The following GADL1 variants were observed in gnomAD, a reference collection of about 807,000 sequenced individuals.
GADL1 encodes GAD like acidic amino acid decarboxylase 1, also known as acidic amino acid decarboxylase GADL1.
A neutral mutation model predicts 69.5 loss-of-function variants in GADL1; 71 were observed. The ratio of observed to expected loss-of-function variants is 1.02; its 90% CI spans 0.84 to 1.25. GADL1 has a LOEUF of 1.25. GADL1 is among the 50% of genes most tolerant of loss of function. The probability of loss-of-function intolerance (pLI) is 0.00; values close to 1 mark genes in which losing one functional copy is unlikely to be tolerated. For synonymous variants in GADL1, 254 were observed against 214.4 expected, an observed-to-expected ratio of 1.18 and a Z score of -1.62; for missense variants, 737 against 631.8, an observed-to-expected ratio of 1.17 and a Z score of -1.79.
chr3:30,771,947 G>A (rs183267551), intron 14 of GADL1, among the ~76,000 whole-genome samples: 47 of 152,222 alleles, frequency 3.1e-4, no homozygotes, highest in Admixed American at 2.8e-3. Context: ...AAATAAATGG[G>A]GCAAGGAAAG....
intron 14 of GADL1, among the ~76,000 whole-genome samples, chr3:30,762,600 A>AT (rs1696165025): frequency 6.6e-6 from 1 of 152,282 alleles, no homozygotes; most frequent in Admixed American, 6.5e-5. Context: ...TCCCTCAAGC[A>AT]TTTATCTATT....
chr3:30,851,401 C>T (rs2125532389), intron 4 of GADL1, among the ~76,000 whole-genome samples: 1 of 152,262 alleles, frequency 6.6e-6, no homozygotes, highest in East Asian at 1.9e-4. Flanking sequence ...GACTACTCCA[C>T]CTGAACCAGG....
intron 12 of GADL1, chr3:30,797,927 G>T (rs979673960): frequency 1.3e-5 from 2 of 152,096 alleles, no homozygotes; most frequent in Non-Finnish European, 2.9e-5. Flanking sequence ...ACTAAATTTG[G>T]CTATGGCCTG....
At chr3:30,794,649 G>C (rs147587509) in intron 12 of GADL1, among the ~76,000 whole-genome samples, 358 of 152,222 alleles carry the variant, frequency 2.4e-3, no homozygotes, top group African/African-American at 8.3e-3. Flanking sequence ...CAATTGGGTT[G>C]ACAGGGTCAA....
At chr3:30,816,834 C>T (rs1384986742) in intron 11 of GADL1, among the ~76,000 whole-genome samples, 1 of 152,042 alleles carries the variant, frequency 6.6e-6, no homozygotes, top group Admixed American at 6.6e-5. Context: ...GCATGAGCTA[C>T]CACACCTGGC....
rs149567861 is a variant in GADL1, at chr3:30,828,151, G to A, written c.1050+5702C>T. Reference sequence around the variant, plus strand: ...AGAAATCCCCACAAAAGCAGATTCAGTTTGTTCTAGTTTCTCTGATTTAAA... The same window carrying A: ...AGAAATCCCCACAAAAGCAGATTCAATTTGTTCTAGTTTCTCTGATTTAAA... On this transcript the variant is annotated intron_variant, in intron 11 of 14. Coordinates refer to ENST00000282538, the MANE Select transcript of GADL1 (RefSeq NM_207359.3). 9.2e-5 allele frequency among the ~76,000 whole-genome samples: 14 copies of A among 151,966 alleles called. No homozygotes were observed. In the East Asian group the frequency reaches 2.7e-3, roughly 30 times the overall value.
At chr3:30,793,459 A>T (rs886672306) in intron 12 of GADL1, among the ~76,000 whole-genome samples, 1 of 152,184 alleles carries the variant, frequency 6.6e-6, no homozygotes, top group Non-Finnish European at 1.5e-5. Flanking sequence ...CAGAAACCAT[A>T]AACTACTATC....
intron 1 of GADL1, among the ~76,000 whole-genome samples, chr3:30,880,075 A>C (rs1040678719): frequency 1.3e-5 from 2 of 151,958 alleles, no homozygotes; most frequent in Non-Finnish European, 2.9e-5. Context: ...GTAATTTTTT[A>C]AATACATTCC....
chr3:30,860,603 T>A (rs1362462717), intron 2 of GADL1, among the ~76,000 whole-genome samples: 2 of 152,020 alleles, frequency 1.3e-5, no homozygotes, highest in Admixed American at 6.6e-5. Context: ...CCGAAAGGCA[T>A]GTGATCAAAA....
At chr3:30,891,179 G>T (rs1276214964) in intron 1 of GADL1, among the ~76,000 whole-genome samples, 1 of 152,062 alleles carries the variant, frequency 6.6e-6, no homozygotes, top group African/African-American at 2.4e-5. Context: ...CCTACCCCAA[G>T]AGAAGGGCTG....
Position 30,827,960 on chromosome 3 carries a change from A to C in GADL1, c.1050+5893T>G, listed in dbSNP as rs191063756. Among the ~76,000 whole-genome samples, 5 of 151,996 alleles carry C rather than the reference A, an allele frequency of 3.3e-5. No individual in the cohort carries two copies. In the East Asian group the frequency reaches 9.7e-4, roughly 30 times the overall value. ...TACCTTCCCCTTTTTCTGCTACATTAGCTGGTAGGCTGTCATTCTAAAGAA... is the reference window on the plus strand; with the variant it reads ...TACCTTCCCCTTTTTCTGCTACATTCGCTGGTAGGCTGTCATTCTAAAGAA... On this transcript the variant is annotated intron_variant, in intron 11 of 14. Coordinates refer to ENST00000282538, the MANE Select transcript of GADL1 (RefSeq NM_207359.3).
chr3:30,867,286 G>A (rs1575241210), intron 1 of GADL1, among the ~76,000 whole-genome samples: 2 of 151,498 alleles, frequency 1.3e-5, no homozygotes, highest in South Asian at 2.1e-4. Flanking sequence ...TGGCTATTCT[G>A]GGTGACCTCT....
chr3:30,790,049 TTGTC>T (rs771725683), intron 12 of GADL1, among the ~76,000 whole-genome samples: 1 of 152,244 alleles, frequency 6.6e-6, no homozygotes, highest in Non-Finnish European at 1.5e-5. Context: ...AGGCCTAACT[TTGTC>T]TGTCTTGGCT....
chr3:30,786,619 A>G (rs972365097), intron 12 of GADL1, among the ~76,000 whole-genome samples: 4 of 152,216 alleles, frequency 2.6e-5, no homozygotes, highest in Admixed American at 2.0e-4. Context: ...TGATGATGAT[A>G]TCTATCTCAC....
At chr3:30,759,802 C>T (rs749249929) in intron 14 of GADL1, among the ~76,000 whole-genome samples, 4 of 152,154 alleles carry the variant, frequency 2.6e-5, no homozygotes, top group Non-Finnish European at 4.4e-5. Flanking sequence ...GCATAGTCTC[C>T]AATATCTTTT....
At chr3:30,754,607 G>C (rs188043064) in intron 14 of GADL1, among the ~76,000 whole-genome samples, 1 of 145,172 alleles carries the variant, frequency 6.9e-6, no homozygotes, top group Admixed American at 6.7e-5. Context: ...TTGGAAGATA[G>C]TTGACTGTAA....
At chr3:30,766,551 C>CTG (rs901483539) in intron 14 of GADL1, among the ~76,000 whole-genome samples, 2 of 126,216 alleles carry the variant, frequency 1.6e-5, no homozygotes, top group African/African-American at 6.0e-5. Context: ...CATATCATTA[C>CTG]TGTGATTTTT....
chr3:30,795,180 C>A (rs932311198), intron 12 of GADL1, among the ~76,000 whole-genome samples: 1 of 152,074 alleles, frequency 6.6e-6, no homozygotes, highest in African/African-American at 2.4e-5. Context: ...GCCTTCCAAC[C>A]ATGGGTGAAA....
At chr3:30,750,173 A>G (rs1014075044) in intron 14 of GADL1, among the ~76,000 whole-genome samples, 1 of 152,198 alleles carries the variant, frequency 6.6e-6, no homozygotes, top group Non-Finnish European at 1.5e-5. Context: ...GCTCTGAAAT[A>G]TTTTAATGAA....
Sources: allele counts gnomAD v4.1 joint callset (sites outside exome capture counted in the v4.1 genomes callset), GRCh38; gene constraint gnomAD v4.1.1; transcripts MANE v1.5; gene names NCBI Gene and HGNC (gene_info 2026-07-23, HGNC 2026-07-21).